Variants in PITPNC1 observed in about 807,000 individuals in gnomAD.
PITPNC1 encodes cytoplasmic phosphatidylinositol transfer protein 1.
Under a neutral mutation model 44.7 loss-of-function variants are expected in PITPNC1, and 18 were observed. The observed-to-expected ratio is 0.40, with a 90% confidence interval of 0.28 to 0.60. PITPNC1 has a LOEUF of 0.60. Among genes scored for constraint, PITPNC1 ranks in the 20% least tolerant of loss-of-function variants. PITPNC1 has a pLI of 0.39. For missense variants in PITPNC1, 290 were observed against 418.4 expected (o/e 0.69, Z 2.68); for synonymous variants, 141 against 149.6 (o/e 0.94, Z 0.42).
At chr17:67,659,874 T>TTTTTTTG (rs1011515132) in intron 6 of PITPNC1, among the ~76,000 whole-genome samples, 1 of 152,090 alleles carries the variant, frequency 6.6e-6, no homozygotes, top group Admixed American at 6.6e-5. Flanking sequence ...GCCATAAATC[T>TTTTTTTG]TTTTTTGTTT....
At chr17:67,507,630 G>T (rs553536608) in intron 1 of PITPNC1, among the ~76,000 whole-genome samples, 2 of 149,358 alleles carry the variant, frequency 1.3e-5, no homozygotes, top group South Asian at 2.1e-4. Flanking sequence ...GTTTCAGTGC[G>T]CTGGGATCGT....
At chr17:67,406,040 C>G (rs1040973807) in intron 1 of PITPNC1, among the ~76,000 whole-genome samples, 2 of 152,134 alleles carry the variant, frequency 1.3e-5, no homozygotes, top group Non-Finnish European at 2.9e-5. Context: ...TCACATGCCA[C>G]AAAATTCATT....
chr17:67,680,339 C>T (rs75613080), intron 8 of PITPNC1, among the ~76,000 whole-genome samples: 1 of 152,170 alleles, frequency 6.6e-6, no homozygotes, highest in Non-Finnish European at 1.5e-5. Context: ...GTGGCTCACA[C>T]CTGTAACCCC....
At chr17:67,527,906 C>T (rs776565518) in intron 1 of PITPNC1, among the ~76,000 whole-genome samples, 1 of 152,122 alleles carries the variant, frequency 6.6e-6, no homozygotes, top group Non-Finnish European at 1.5e-5. Context: ...GGGGCTGAGG[C>T]AGGAGGATTG....
intron 8 of PITPNC1, among the ~76,000 whole-genome samples, chr17:67,679,894 AC>A (rs2042671473): frequency 6.6e-6 from 1 of 152,204 alleles, no homozygotes; most frequent in Non-Finnish European, 1.5e-5. Context: ...TACAAATCTG[AC>A]AGTGTTTTGA....
At chr17:67,518,327 A>C (rs1170138768) in intron 1 of PITPNC1, among the ~76,000 whole-genome samples, 1 of 152,128 alleles carries the variant, frequency 6.6e-6, no homozygotes, top group Non-Finnish European at 1.5e-5. Flanking sequence ...TTTGACATTA[A>C]AGAGATTTAC....
chr17:67,510,247 A>G (rs1178936858), intron 1 of PITPNC1, among the ~76,000 whole-genome samples: 1 of 152,196 alleles, frequency 6.6e-6, no homozygotes, highest in Non-Finnish European at 1.5e-5. Context: ...CTCAGCCCAC[A>G]CAGTGGCTTC....
At chr17:67,410,872 C>T (rs2038484853) in intron 1 of PITPNC1, among the ~76,000 whole-genome samples, 1 of 151,740 alleles carries the variant, frequency 6.6e-6, no homozygotes, top group Non-Finnish European at 1.5e-5. Flanking sequence ...ATCACAAGGT[C>T]AGGAGTTCAA....
In PITPNC1 at chr17:67,692,729, C is replaced by T. The variant is rs747101134; in HGVS notation, c.840C>T (p.Leu280=). 8 of 1,613,818 alleles carry T rather than the reference C, an allele frequency of 5.0e-6. No homozygotes were observed. Among genetic ancestry groups the T allele is most frequent in the Non-Finnish European group, 6.8e-6 (8 of 1,179,868 alleles). Residue 280 remains leucine, a synonymous_variant, in exon 9 of 9, where the codon CTC becomes CTT. Coordinates refer to ENST00000581322, the MANE Select transcript of PITPNC1 (RefSeq NM_012417.4). ...CTTCTAGTGCTCCATCCACCCCTCT[C>T]TCCACAGACGCACCCGAATTTCTGT... ...SAPSSAPSTP[L]STDAPEFLSV... is the part of the protein sequence containing the mutation.
intron 4 of PITPNC1, among the ~76,000 whole-genome samples, chr17:67,562,501 A>G (rs1025194180): frequency 6.6e-6 from 1 of 152,038 alleles, no homozygotes; most frequent in African/African-American, 2.4e-5. Context: ...TTTACATGCA[A>G]TTCCTTTTCT....
At chr17:67,499,159 C>T (rs1359076826) in intron 1 of PITPNC1, among the ~76,000 whole-genome samples, 2 of 152,138 alleles carry the variant, frequency 1.3e-5, no homozygotes, top group Non-Finnish European at 2.9e-5. Flanking sequence ...TGGGCATGAG[C>T]CACGTGCCCA....
chr17:67,626,517 A>C (rs1386477781), intron 5 of PITPNC1, among the ~76,000 whole-genome samples: 1 of 152,166 alleles, frequency 6.6e-6, no homozygotes, highest in East Asian at 1.9e-4. Context: ...TTACAGGCAC[A>C]TGCCACCACA....
At chr17:67,418,812 C>T (rs371997279) in intron 1 of PITPNC1, among the ~76,000 whole-genome samples, 1 of 152,268 alleles carries the variant, frequency 6.6e-6, no homozygotes, top group East Asian at 1.9e-4. Flanking sequence ...TCACCTGCCT[C>T]GGCCTCCCAA....
intron 8 of PITPNC1, among the ~76,000 whole-genome samples, chr17:67,679,424 G>A (rs1008196571): frequency 6.6e-6 from 1 of 152,228 alleles, no homozygotes; most frequent in Non-Finnish European, 1.5e-5. Context: ...GGCTGAATTT[G>A]AGCCCCATTT....
At chr17:67,575,861 TCCTTC>T (rs1568047859) in intron 4 of PITPNC1, among the ~76,000 whole-genome samples, 828 of 27,710 alleles carry the variant, frequency 0.03, 57 homozygotes, top group African/African-American at 0.049. Flanking sequence ...TTTCTTTCCT[TCCTTC>T]TTTCTTTCTT....
chr17:67,426,257 G>T (rs371965370), intron 1 of PITPNC1, among the ~76,000 whole-genome samples: 2 of 152,028 alleles, frequency 1.3e-5, no homozygotes, highest in Non-Finnish European at 2.9e-5. Context: ...CCCATTACTG[G>T]GTATATGCCC....
intron 5 of PITPNC1, among the ~76,000 whole-genome samples, chr17:67,608,329 T>C (rs529905556): frequency 6.6e-6 from 1 of 150,938 alleles, no homozygotes; most frequent in Non-Finnish European, 1.5e-5. Flanking sequence ...CCTGAGCCCA[T>C]GTGTTCAAGT....
At chr17:67,560,897 G>A (rs111641557) in intron 4 of PITPNC1, among the ~76,000 whole-genome samples, 36 of 152,194 alleles carry the variant, frequency 2.4e-4, no homozygotes, top group Non-Finnish European at 4.0e-4. Context: ...GCAATCAGCA[G>A]AGAATACAGA....
intron 1 of PITPNC1, among the ~76,000 whole-genome samples, chr17:67,448,205 C>T (rs2039127694): frequency 6.6e-6 from 1 of 152,178 alleles, no homozygotes; most frequent in South Asian, 2.1e-4. Flanking sequence ...CCTTGGCCTC[C>T]CAAAGTGCTG....
Sources: allele counts gnomAD v4.1 joint callset (sites outside exome capture counted in the v4.1 genomes callset), GRCh38; gene constraint gnomAD v4.1.1; transcripts MANE v1.5; gene names NCBI Gene and HGNC (gene_info 2026-07-23, HGNC 2026-07-21).